RBFOX1: variants seen among roughly 807,000 people sequenced by gnomAD.
RBFOX1 encodes the protein RNA binding fox-1 homolog 1.
Under a neutral mutation model 57.7 loss-of-function variants are expected in RBFOX1, and 8 were observed. The observed-to-expected ratio is 0.14, with a 90% CI of 0.08 to 0.25. The LOEUF is 0.25. RBFOX1 is among the 10% of genes least tolerant of loss of function. RBFOX1 has a pLI of 1.00. For missense variants in RBFOX1, 611 were observed against 548.5 expected (o/e 1.11, Z -1.14); for synonymous variants, 326 against 222.4 (o/e 1.47, Z -4.15).
intron 2 of RBFOX1, among the ~76,000 whole-genome samples, chr16:6,336,669 A>G (rs2083806234): frequency 6.6e-6 from 1 of 152,116 alleles, no homozygotes; most frequent in Admixed American, 6.5e-5. Context: ...TCATCTCTGA[A>G]AGCCATAAGA....
chr16:6,956,928 G>T (rs969723479), intron 3 of RBFOX1, among the ~76,000 whole-genome samples: 7 of 152,082 alleles, frequency 4.6e-5, no homozygotes, highest in African/African-American at 1.2e-4. Flanking sequence ...TCCAGATCCA[G>T]ACCCCAAGTG....
chr16:7,309,303 T>C (rs531178226), intron 4 of RBFOX1, among the ~76,000 whole-genome samples: 35 of 152,238 alleles, frequency 2.3e-4, no homozygotes, highest in Non-Finnish European at 4.4e-4. Context: ...CTTCCCCCCT[T>C]TGGGGAACCT....
chr16:6,708,017 T>C (rs8047242), intron 3 of RBFOX1, among the ~76,000 whole-genome samples: 67,092 of 151,840 alleles, frequency 0.44, 16,544 homozygotes, highest in East Asian at 0.75. Flanking sequence ...TTTCAAAACC[T>C]TAGTTTCAGA....
intron 3 of RBFOX1, among the ~76,000 whole-genome samples, chr16:5,856,549 GTGTGTGTGTGTGTA>G (rs1567631999): frequency 3.1e-5 from 2 of 63,534 alleles, no homozygotes; most frequent in Non-Finnish European, 6.1e-5. Context: ...GTGTGTGTGT[GTGTGTGTGTGTGTA>G]TGTGTGTGTG....
chr16:6,266,657 T>C (rs2152657565), intron 1 of RBFOX1, among the ~76,000 whole-genome samples: 2 of 150,890 alleles, frequency 1.3e-5, no homozygotes, highest in Middle Eastern at 6.8e-3. Context: ...AAGGTTGCAG[T>C]GAGCTGAGAT....
chr16:6,654,957 ATTGATGTTGACGTTC>A (rs2098636279), intron 3 of RBFOX1, among the ~76,000 whole-genome samples: 1 of 151,372 alleles, frequency 6.6e-6, no homozygotes, highest in Admixed American at 6.6e-5. Context: ...GAACTTGAAT[ATTGATGTTGACGTTC>A]ATTGTGTGTA....
Position 7,517,788 on chromosome 16 carries a change from G to A in RBFOX1, c.28-359G>A, listed in dbSNP as rs538528810. On this transcript the variant is annotated intron_variant, in intron 4 of 15. Coordinates refer to ENST00000550418, the MANE Select transcript of RBFOX1 (RefSeq NM_018723.4). ...CACTGCAGACAACTAAATGCTCACA[G>A]CTTCCAAAATGGGAATGAAATAAAA... is the stretch of plus-strand genomic sequence containing the variant. Among the ~76,000 whole-genome samples the A allele has an allele frequency of 1.0e-4, 15 of 148,514 alleles. 1 individual carries two copies. In the South Asian group the frequency reaches 2.3e-3, roughly 23 times the overall value.
intron 4 of RBFOX1, among the ~76,000 whole-genome samples, chr16:7,099,544 C>G (rs927725086): frequency 2.0e-5 from 3 of 152,120 alleles, no homozygotes; most frequent in African/African-American, 7.2e-5. Context: ...TCTCAGTCAA[C>G]TTAGAAAGGT....
At chr16:7,131,201 C>T (rs180764639) in intron 4 of RBFOX1, among the ~76,000 whole-genome samples, 18 of 151,968 alleles carry the variant, frequency 1.2e-4, no homozygotes, top group African/African-American at 4.1e-4. Context: ...AAAAAGTTAG[C>T]CAGGTGTGGT....
At chr16:6,454,138 T>G (rs2094702532) in intron 2 of RBFOX1, among the ~76,000 whole-genome samples, 1 of 152,238 alleles carries the variant, frequency 6.6e-6, no homozygotes, top group African/African-American at 2.4e-5. Flanking sequence ...GACCTCGTTT[T>G]AACTCAGTCA....
chr16:5,728,465 A>G (rs536645070), intron 3 of RBFOX1, among the ~76,000 whole-genome samples: 10 of 152,276 alleles, frequency 6.6e-5, no homozygotes, highest in Non-Finnish European at 8.8e-5. Flanking sequence ...AGTCATCCAC[A>G]CCAGGTGGAG....
chr16:6,474,445 G>C (rs1356207485), intron 2 of RBFOX1, among the ~76,000 whole-genome samples: 4 of 152,244 alleles, frequency 2.6e-5, no homozygotes, highest in Admixed American at 2.0e-4. Flanking sequence ...CAATTGTGCA[G>C]AAGCTGTTGT....
intron 3 of RBFOX1, among the ~76,000 whole-genome samples, chr16:6,756,185 A>G (rs1364562066): frequency 4.6e-5 from 7 of 152,186 alleles, no homozygotes; most frequent in African/African-American, 1.4e-4. Context: ...CCATTTACCT[A>G]TAACTGGATT....
intron 4 of RBFOX1, among the ~76,000 whole-genome samples, chr16:7,112,679 G>GGGTGT (rs2065046573): frequency 7.0e-6 from 1 of 141,898 alleles, no homozygotes; most frequent in Non-Finnish European, 1.5e-5. Flanking sequence ...TGTGTGTGTG[G>GGGTGT]GTGTGGGTGT....
chr16:6,480,359 A>T (rs1365636491), intron 2 of RBFOX1, among the ~76,000 whole-genome samples: 4 of 152,264 alleles, frequency 2.6e-5, no homozygotes, highest in Admixed American at 2.6e-4. Context: ...GGTCTCTCAC[A>T]GACACTAAAC....
At chr16:7,633,407 C>T (rs913380662) in intron 11 of RBFOX1, among the ~76,000 whole-genome samples, 4 of 152,108 alleles carry the variant, frequency 2.6e-5, no homozygotes, top group African/African-American at 9.7e-5. Flanking sequence ...CATTATATGC[C>T]ATGTGCTTTT....
chr16:5,868,984 G>C (rs184386197), intron 4 of RBFOX1, among the ~76,000 whole-genome samples: 1 of 152,246 alleles, frequency 6.6e-6, no homozygotes, highest in East Asian at 1.9e-4. Context: ...AAAAAATTTT[G>C]TGATGTATAG....
intron 2 of RBFOX1, chr16:5,467,390 A>G (rs1027209051): frequency 1.3e-6 from 1 of 778,348 alleles, no homozygotes; most frequent in Admixed American, 3.0e-5. Flanking sequence ...AGCACAGTTC[A>G]TCCCTTAGCA....
chr16:6,688,311 G>A (rs1195491815), intron 3 of RBFOX1, among the ~76,000 whole-genome samples: 1 of 152,016 alleles, frequency 6.6e-6, no homozygotes, highest in East Asian at 1.9e-4. Flanking sequence ...ACAGCACTAG[G>A]GAGATGGTGC....
Sources: allele counts gnomAD v4.1 joint callset (sites outside exome capture counted in the v4.1 genomes callset), GRCh38; gene constraint gnomAD v4.1.1; transcripts MANE v1.5; gene names NCBI Gene and HGNC (gene_info 2026-07-23, HGNC 2026-07-21).